The following ERICH3 variants were observed in gnomAD, a reference collection of about 807,000 sequenced individuals.
ERICH3 encodes glutamate rich 3.
Under a neutral mutation model 131.1 loss-of-function variants are expected in ERICH3, and 126 were observed. The observed-to-expected ratio is 0.96, with a 90% CI of 0.83 to 1.11. ERICH3 has a LOEUF of 1.11. ERICH3 is among the 50% of genes most tolerant of loss of function. The pLI is 0.00. For missense variants in ERICH3, 2,050 were observed against 1,810.7 expected (o/e 1.13, Z -2.40); for synonymous variants, 695 against 644.6 (o/e 1.08, Z -1.18).
chr1:74,645,081 G>A (rs910711889), intron 3 of ERICH3, among the ~76,000 whole-genome samples: 10 of 151,916 alleles, frequency 6.6e-5, no homozygotes, highest in East Asian at 1.9e-4. Flanking sequence ...TCCCTCACTC[G>A]TCTTGAAACA....
chr1:74,578,753 A>C (rs1438178359), intron 12 of ERICH3, among the ~76,000 whole-genome samples: 2 of 150,508 alleles, frequency 1.3e-5, no homozygotes, highest in Admixed American at 1.3e-4. Context: ...CAACGGATAT[A>C]ACGGATTTAC....
At chr1:74,603,589 T>A (rs566536959) in intron 10 of ERICH3, among the ~76,000 whole-genome samples, 1 of 152,008 alleles carries the variant, frequency 6.6e-6, no homozygotes, top group East Asian at 1.9e-4. Context: ...TATACCTATA[T>A]ATATATTCGA....
At chr1:74,620,624 A>G in intron 8 of ERICH3, 110 bp downstream of exon 8, 1 of 913,912 alleles carries the variant, frequency 1.1e-6, no homozygotes, top group Non-Finnish European at 1.6e-6. Context: ...AAGTCCCTGG[A>G]TATGCATAAT....
chr1:74,594,520 G>A (rs1394845871), intron 11 of ERICH3, among the ~76,000 whole-genome samples: 4 of 151,930 alleles, frequency 2.6e-5, no homozygotes, highest in East Asian at 1.9e-4. Flanking sequence ...AATACATATC[G>A]AGAACTTCCT....
intron 12 of ERICH3, among the ~76,000 whole-genome samples, chr1:74,581,473 A>C (rs1259641715): frequency 2.6e-5 from 4 of 152,160 alleles, no homozygotes; most frequent in Non-Finnish European, 5.9e-5. Context: ...AATTGCAATT[A>C]ATTAATTATC....
chr1:74,647,502 A>G lies in ERICH3; in HGVS notation c.118-710T>C, dbSNP rs576541054. ...CATTAGCATACATAGAAGATAGTCA[A>G]TATTGGTCTCAACTGGCATCATTGC... On this transcript the variant is annotated intron_variant, in intron 2 of 14. Transcript: ENST00000326665. Among the ~76,000 whole-genome samples the G allele has an allele frequency of 3.9e-5, 6 of 152,194 alleles. No homozygotes were observed. In the South Asian group the frequency reaches 1.2e-3, roughly 32 times the overall value.
At position 74,571,634 on chromosome 1, in the gene ERICH3, A is replaced by G; in HGVS notation, c.4076T>C (p.Val1359Ala). Residue 1359 changes from valine (V) to alanine (A), a missense_variant, in exon 14 of 15, where the codon GTG (valine) becomes GCG (alanine). By Grantham distance (64) the Val-to-Ala change is moderately conservative. Coordinates refer to ENST00000326665, the MANE Select transcript of ERICH3 (RefSeq NM_001002912.5). The stretch of plus-strand genomic sequence containing the variant: ...CTCGGCTGTCTCCGAACCTGCCAAC[A>G]CCTCCCTCTCCTCTGCGGCTGTTTC... ...TAETAAEERE[V>A]LAGSETAEEK... The G allele has an allele frequency of 6.2e-7, 1 of 1,612,086 alleles. No individual in the cohort carries two copies. The highest frequency in any genetic ancestry group is 8.5e-7 in the Non-Finnish European group (1 of 1,179,470).
Position 74,571,417 on chromosome 1 carries a change from C to A in ERICH3, c.4293G>T (p.Val1431=), listed in dbSNP as rs1331046016. 1.9e-6 allele frequency: 3 copies of A among 1,613,848 alleles called. No homozygotes were observed. Among genetic ancestry groups the A allele is most frequent in the Admixed American group, 3.3e-5 (2 of 59,994 alleles). The change falls in exon 14 of 15, where the codon GTG becomes GTT. Residue 1431 remains valine (V), a synonymous_variant. Transcript: ENST00000326665. The part of the protein sequence containing the change: ...MTVTYTTEAG[V]GTPGALERKT... ...TCCGCTCCAGGGCTCCTGGAGTGCCCACCCCAGCCTCTGTTGTATATGTCA... is the reference window on the plus strand; with the variant it reads ...TCCGCTCCAGGGCTCCTGGAGTGCCAACCCCAGCCTCTGTTGTATATGTCA...
chr1:74,636,158 A>G (rs1209992307), intron 6 of ERICH3, 122 bp downstream of exon 6: 1 of 820,352 alleles, frequency 1.2e-6, no homozygotes, highest in Non-Finnish European at 1.8e-6. Context: ...AGTGTTTCAT[A>G]CATATACAAT....
intron 3 of ERICH3, among the ~76,000 whole-genome samples, chr1:74,645,640 G>A (rs1369880123): frequency 6.6e-6 from 1 of 151,886 alleles, no homozygotes; most frequent in African/African-American, 2.4e-5. Context: ...TTAATTTTAT[G>A]TTTTATTAAT....
At chr1:74,614,550 A>G (rs534783487) in intron 8 of ERICH3, among the ~76,000 whole-genome samples, 2,072 of 150,738 alleles carry the variant, frequency 0.014, 68 homozygotes, top group African/African-American at 0.049. Context: ...GGTAGCGGGC[A>G]CCTGTATTCC....
At chr1:74,587,569 C>T (rs1647394464) in intron 12 of ERICH3, among the ~76,000 whole-genome samples, 1 of 152,040 alleles carries the variant, frequency 6.6e-6, no homozygotes, top group Admixed American at 6.6e-5. Flanking sequence ...AGTGCTACAT[C>T]TCTGATATTC....
intron 12 of ERICH3, chr1:74,586,278 G>T: frequency 1.7e-6 from 1 of 605,712 alleles, no homozygotes; most frequent in Non-Finnish European, 2.1e-6. Flanking sequence ...GCAAGTCTCA[G>T]AACAAAATGT....
chr1:74,662,976 T>A (rs1184956120), intron 1 of ERICH3, among the ~76,000 whole-genome samples: 2 of 152,134 alleles, frequency 1.3e-5, no homozygotes, highest in African/African-American at 2.4e-5. Flanking sequence ...CATGGTGAGA[T>A]CACATCTCTA....
Position 74,571,807 on chromosome 1 carries a change from C to T in ERICH3, c.3903G>A (p.Glu1301=), listed in dbSNP as rs1646953394. 2 of 1,613,622 alleles carry T rather than the reference C, an allele frequency of 1.2e-6. No individual in the cohort carries two copies. The highest frequency in any genetic ancestry group is 8.5e-7 in the Non-Finnish European group (1 of 1,180,038). ...GCATCGCTTCTGTCTCCAGAGTGCA[C>T]TCTTTGTCCTCTTCCTCCTCTGGGT... is the stretch of plus-strand genomic sequence containing the variant. ...DEDPEEEEDK[E]CTLETEAMQD... Residue 1301 remains glutamate, a synonymous_variant, in exon 14 of 15, where the codon GAG becomes GAA. Transcript: ENST00000326665.
chr1:74,618,028 C>G (rs967649257), intron 8 of ERICH3, among the ~76,000 whole-genome samples: 2 of 151,988 alleles, frequency 1.3e-5, no homozygotes, highest in African/African-American at 4.8e-5. Context: ...GACCCTATCT[C>G]TATAAAAAAT....
At chr1:74,655,349 AGACAGAAAC>A in intron 1 of ERICH3, among the ~76,000 whole-genome samples, 3 of 152,336 alleles carry the variant, frequency 2.0e-5, no homozygotes, top group Admixed American at 2.0e-4. Flanking sequence ...GGAGGTCAGA[AGACAGAAAC>A]GACTCAAATT....
At chr1:74,606,213 A>T (rs553275398) in intron 10 of ERICH3, among the ~76,000 whole-genome samples, 2 of 151,970 alleles carry the variant, frequency 1.3e-5, no homozygotes, top group Non-Finnish European at 2.9e-5. Flanking sequence ...ATAATCATAT[A>T]GGTTGTACCT....
chr1:74,600,191 A>T (rs1648062160), intron 10 of ERICH3, among the ~76,000 whole-genome samples: 1 of 151,938 alleles, frequency 6.6e-6, no homozygotes, highest in Non-Finnish European at 1.5e-5. Flanking sequence ...TTTACAAATG[A>T]ACATCATCAT....
Sources: allele counts gnomAD v4.1 joint callset (sites outside exome capture counted in the v4.1 genomes callset), GRCh38; gene constraint gnomAD v4.1.1; transcripts MANE v1.5; gene names NCBI Gene and HGNC (gene_info 2026-07-23, HGNC 2026-07-21).